Variants in GALNT8 observed in about 807,000 individuals in gnomAD.
GALNT8 encodes polypeptide N-acetylgalactosaminyltransferase 8, also known as probable polypeptide N-acetylgalactosaminyltransferase 8.
In GALNT8, 66 loss-of-function variants were observed where a neutral mutation model predicts 62.7. The observed-to-expected ratio is 1.05, with a 90% CI of 0.86 to 1.29. GALNT8 has a LOEUF of 1.29. Among genes scored for constraint, GALNT8 ranks in the 50% most tolerant of loss-of-function variants. GALNT8 has a pLI of 0.00. For missense variants in GALNT8, 771 were observed against 791.8 expected, an observed-to-expected ratio of 0.97 and a Z score of 0.32; for synonymous variants, 288 against 294.3, an observed-to-expected ratio of 0.98 and a Z score of 0.22.
In GALNT8 at chr12:4,720,745, T is replaced by C; in HGVS notation, c.68T>C (p.Leu23Pro). The C allele has an allele frequency of 1.9e-6, 3 of 1,613,716 alleles. No homozygotes were observed. Among genetic ancestry groups the C allele is most frequent in the Non-Finnish European group, 1.7e-6 (2 of 1,179,558 alleles). The change falls in exon 1 of 11, where the codon CTC (leucine) becomes CCC (proline). Residue 23 changes from leucine (L) to proline (P), a missense_variant. Physicochemically the swap from Leu to Pro is moderately conservative, Grantham distance 98. Coordinates refer to ENST00000252318, the MANE Select transcript of GALNT8 (RefSeq NM_017417.2). ...CTGACTCTGGCCATTGCTGTCAATC[T>C]CCTTCTGGTATTTTCTAGCAAGGGG... ...IGLTLAIAVN[L>P]LLVFSSKGTL... is the part of the protein sequence containing the mutation.
In GALNT8 at chr12:4,744,502, G is replaced by A; in HGVS notation, c.677-15G>A. 6.3e-7 allele frequency: 1 copy of A among 1,580,792 alleles called. No individual in the cohort carries two copies. The highest frequency in any genetic ancestry group is 1.7e-4 in the Middle Eastern group (1 of 5,944). ...TTGCACTCAGAATTTCTATAGGTGT[G>A]CACTTGATTGACAGGAGAACTAAAG... On this transcript the variant is annotated splice_polypyrimidine_tract_variant and intron_variant, in intron 3 of 10. Transcript: ENST00000252318.
intron 3 of GALNT8, among the ~76,000 whole-genome samples, chr12:4,740,641 C>A (rs1366319686): frequency 6.6e-6 from 1 of 152,148 alleles, no homozygotes; most frequent in East Asian, 1.9e-4. Context: ...CCAAGCTGGC[C>A]TTGAACTCCT....
intron 2 of GALNT8, among the ~76,000 whole-genome samples, chr12:4,738,838 T>A (rs1011227764): frequency 7.2e-5 from 11 of 152,020 alleles, no homozygotes; most frequent in African/African-American, 2.4e-4. Context: ...GCTGTGGCAA[T>A]GACAAGAAGA....
intron 6 of GALNT8, among the ~76,000 whole-genome samples, chr12:4,750,379 G>T (rs1326398081): frequency 6.8e-6 from 1 of 147,462 alleles, no homozygotes; most frequent in East Asian, 2.1e-4. Context: ...AGCGTGAGTT[G>T]TTCCCCTCTT....
At chr12:4,746,393 A>G (rs1201386252) in intron 6 of GALNT8, 135 bp downstream of exon 6, 3 of 641,850 alleles carry the variant, frequency 4.7e-6, no homozygotes, top group South Asian at 1.9e-5. Flanking sequence ...GTTTCTAGGC[A>G]ACTGGGCCAA....
chr12:4,764,576 A>G (rs1436753221), intron 9 of GALNT8, among the ~76,000 whole-genome samples: 1 of 123,606 alleles, frequency 8.1e-6, no homozygotes, highest in African/African-American at 3.2e-5. Flanking sequence ...CAGAGTCTCG[A>G]TCTGTCGCCC....
intron 2 of GALNT8, among the ~76,000 whole-genome samples, chr12:4,729,616 CT>C (rs945225942): frequency 6.6e-6 from 1 of 152,174 alleles, no homozygotes; most frequent in Non-Finnish European, 1.5e-5. Flanking sequence ...GAATTTCCTT[CT>C]TTTTTTGTGG....
rs748870767 is a variant in GALNT8 at position 4,745,560 on chromosome 12, T to C, written c.992T>C (p.Leu331Pro). 2 of 1,614,020 alleles carry C rather than the reference T, an allele frequency of 1.2e-6. No individual in the cohort carries two copies. Among genetic ancestry groups the C allele is most frequent in the Admixed American group, 3.3e-5 (2 of 60,024 alleles). Reference protein sequence around the residue: ...ELAVDGFNWELWCRYDALPQA... With the variant: ...ELAVDGFNWEPWCRYDALPQA... ...GCAGTTGATGGGTTTAACTGGGAAC[T>C]CTGGTGCCGCTACGATGCACTGCCA... The change falls in exon 5 of 11, where the codon CTC (leucine) becomes CCC (proline). Residue 331 changes from leucine (L) to proline (P), a missense_variant. Coordinates refer to ENST00000252318, the MANE Select transcript of GALNT8 (RefSeq NM_017417.2).
rs995760153 is a variant in GALNT8, at chr12:4,724,066, G to C, written c.212-2466G>C. Reference sequence around the variant, plus strand: ...CGGGAAGCTGAGGCAGGAGAATGGCGTGAATCTGGGAGGTGGAGGTTGCAG... The same window carrying C: ...CGGGAAGCTGAGGCAGGAGAATGGCCTGAATCTGGGAGGTGGAGGTTGCAG... On this transcript the variant is annotated intron_variant, in intron 1 of 10. Coordinates refer to ENST00000252318, the MANE Select transcript of GALNT8 (RefSeq NM_017417.2). 2.7e-5 allele frequency among the ~76,000 whole-genome samples: 4 copies of C among 148,404 alleles called. No homozygotes were observed. The East Asian group carries it at 8.4e-4, about 31-fold the overall frequency.
intron 7 of GALNT8, among the ~76,000 whole-genome samples, chr12:4,761,946 G>C (rs1946375178): frequency 6.6e-6 from 1 of 152,200 alleles, no homozygotes. Flanking sequence ...AACTGTGGAT[G>C]GACCTAGAAG....
rs1356903223 is a variant in GALNT8 at position 4,749,041 on chromosome 12, G to A, written c.1173+2783G>A. ...TCACTATTGGCATAGAAATGCTACT[G>A]ATTTTTGTATGTTGATTGTCCATCC... On this transcript the variant is annotated intron_variant, in intron 6 of 10. Transcript: ENST00000252318. This position sits in a 1 kb window ranked among gnomAD's most constrained non-coding sequence, Gnocchi z 4.1. Among the ~76,000 whole-genome samples, 2 of 152,096 alleles carry A rather than the reference G, an allele frequency of 1.3e-5. No individual in the cohort carries two copies. The highest frequency in any genetic ancestry group is 2.4e-5 in the African/African-American group (1 of 41,434).
chr12:4,744,574 G>A lies in GALNT8; in HGVS notation c.734G>A (p.Gly245Glu), dbSNP rs34687270. ...KIKLYNQKYPGLLKIIRHPER... is the reference protein window; with the variant it reads ...KIKLYNQKYPELLKIIRHPER... ...AAGCTTTACAACCAGAAGTATCCAG[G>A]ACTACTGAAAATAATACGGCATCCT... Residue 245 changes from glycine to glutamate, a missense_variant, in exon 4 of 11, where the codon GGA (glycine) becomes GAA (glutamate). Physicochemically the swap from Gly to Glu is moderately conservative, Grantham distance 98. Transcript: ENST00000252318. The A allele has an allele frequency of 3.1e-3, 5,022 of 1,612,914 alleles. 36 individuals are homozygous for A. The highest frequency in any genetic ancestry group is 0.021 in the African/African-American group (1,583 of 74,992).
At position 4,763,976 on chromosome 12, in the gene GALNT8, G is replaced by A. The variant is rs1215493913; in HGVS notation, c.1522G>A (p.Val508Ile). ...GATGAAAAACCTATTGGATGAAAAT[G>A]TCTGCTTGGATCAGGGACCCGTTCC... ...GRMKNLLDEN[V>I]CLDQGPVPGN... Residue 508 changes from valine to isoleucine, a missense_variant, in exon 9 of 11, where the codon GTC (valine) becomes ATC (isoleucine). Val to Ile is a conservative substitution (Grantham distance 29). Transcript: ENST00000252318. 2 of 1,587,876 alleles carry A rather than the reference G, an allele frequency of 1.3e-6. No homozygotes were observed. Among genetic ancestry groups the A allele is most frequent in the Non-Finnish European group, 1.7e-6 (2 of 1,155,684 alleles).
Position 4,761,064 on chromosome 12 carries a change from G to T in GALNT8, c.1280G>T (p.Arg427Leu). ...YALDLTAALKRNALRVAEIWM... is the reference protein window; with the variant it reads ...YALDLTAALKLNALRVAEIWM... ...TTGGATCTCACCGCTGCCTTGAAGC[G>T]CAATGCTCTGCGAGTGGCCGAAATC... The change falls in exon 7 of 11, where the codon CGC becomes CTC. Residue 427 changes from arginine (R) to leucine (L), a missense_variant. Arg to Leu is a moderately radical substitution (Grantham distance 102, BLOSUM62 -2). Coordinates refer to ENST00000252318, the MANE Select transcript of GALNT8 (RefSeq NM_017417.2). 6.2e-7 allele frequency: 1 copy of T among 1,614,002 alleles called. No homozygotes were observed. Among genetic ancestry groups the T allele is most frequent in the Non-Finnish European group, 8.5e-7 (1 of 1,179,978 alleles).
intron 2 of GALNT8, among the ~76,000 whole-genome samples, chr12:4,733,313 C>G (rs1156406789): frequency 6.6e-6 from 1 of 152,156 alleles, no homozygotes; most frequent in Non-Finnish European, 1.5e-5. Flanking sequence ...AGGCCAGGTA[C>G]TGGTGATGCA....
At chr12:4,728,758 A>G (rs542644082) in intron 2 of GALNT8, among the ~76,000 whole-genome samples, 17 of 152,288 alleles carry the variant, frequency 1.1e-4, no homozygotes, top group African/African-American at 4.1e-4. Flanking sequence ...TAACAATTGT[A>G]ATTTTGTAGT....
In GALNT8 at chr12:4,745,603, G is replaced by A. The variant is rs755931301; in HGVS notation, c.1035G>A (p.Leu345=). The A allele has an allele frequency of 1.9e-6, 3 of 1,613,798 alleles. No individual in the cohort carries two copies. In the Admixed American group the frequency reaches 5.0e-5, roughly 27 times the overall value. ...YDALPQAWID[L]HDVTAPVKSP... ...CACTGCCACAAGCCTGGATTGATCT[G>A]CATGATGTCACTGCCCCAGTGAAGT... The change falls in exon 5 of 11, where the codon CTG becomes CTA. Residue 345 remains leucine, a synonymous_variant. Coordinates refer to ENST00000252318, the MANE Select transcript of GALNT8 (RefSeq NM_017417.2).
chr12:4,743,990 T>G (rs1360011798), intron 3 of GALNT8, among the ~76,000 whole-genome samples: 2 of 152,162 alleles, frequency 1.3e-5, no homozygotes, highest in African/African-American at 4.8e-5. Context: ...TTGCATAATT[T>G]TTGGGCTAAA....
chr12:4,751,265 A>T (rs1946321286), intron 6 of GALNT8, among the ~76,000 whole-genome samples: 1 of 152,182 alleles, frequency 6.6e-6, no homozygotes, highest in African/African-American at 2.4e-5. Flanking sequence ...ACAAAAGGAA[A>T]AATGGACAAA....
Sources: allele counts gnomAD v4.1 joint callset (sites outside exome capture counted in the v4.1 genomes callset), GRCh38; gene constraint gnomAD v4.1.1; non-coding constraint Gnocchi (gnomAD v3.1); transcripts MANE v1.5; gene names NCBI Gene and HGNC (gene_info 2026-07-23, HGNC 2026-07-21).